Variants in MDFIC observed in about 807,000 individuals in gnomAD.
MDFIC encodes the protein MyoD family inhibitor domain containing, also known as myoD family inhibitor domain-containing protein.
MDFIC carries 17 observed loss-of-function variants against 23.2 expected under a neutral mutation model. The observed-to-expected ratio is 0.73, with a 90% CI of 0.50 to 1.10. The LOEUF (loss-of-function observed/expected upper bound fraction) is 1.10. MDFIC is among the 50% of genes least tolerant of loss of function. The pLI is 0.00. For missense variants in MDFIC, 356 were observed against 316.6 expected (o/e 1.12, Z -0.95); for synonymous variants, 120 against 115.2 (o/e 1.04, Z -0.27).
At chr7:114,975,059 T>C (rs1563146601) in intron 3 of MDFIC, among the ~76,000 whole-genome samples, 1 of 152,122 alleles carries the variant, frequency 6.6e-6, no homozygotes, top group African/African-American at 2.4e-5. Flanking sequence ...AGAATACTTT[T>C]TTTTTGCTAG....
chr7:114,996,776 C>T (rs1341555964), intron 4 of MDFIC, among the ~76,000 whole-genome samples: 1 of 152,150 alleles, frequency 6.6e-6, no homozygotes, highest in Non-Finnish European at 1.5e-5. Context: ...TATCAGCATC[C>T]TTTAGAAGCT....
chr7:114,999,287 A>G (rs535622840), intron 4 of MDFIC, among the ~76,000 whole-genome samples: 1 of 152,272 alleles, frequency 6.6e-6, no homozygotes, highest in East Asian at 1.9e-4. Context: ...AGCTTAAAAG[A>G]AATAGCTCCA....
chr7:115,012,945 C>T (rs1320116865), intron 4 of MDFIC, among the ~76,000 whole-genome samples: 1 of 152,078 alleles, frequency 6.6e-6, no homozygotes, highest in East Asian at 1.9e-4. Flanking sequence ...CGCCACTGCA[C>T]TCCAGCCTGG....
intron 4 of MDFIC, among the ~76,000 whole-genome samples, chr7:115,013,612 G>GA (rs1791727039): frequency 6.6e-6 from 1 of 152,208 alleles, no homozygotes; most frequent in African/African-American, 2.4e-5. Flanking sequence ...ATATTCACTT[G>GA]AAGGTACATT....
At chr7:115,011,770 G>A (rs948686266) in intron 4 of MDFIC, among the ~76,000 whole-genome samples, 2 of 152,184 alleles carry the variant, frequency 1.3e-5, no homozygotes, top group East Asian at 3.9e-4. Context: ...GAGGCAACTA[G>A]TGGTTTAGTT....
intron 3 of MDFIC, among the ~76,000 whole-genome samples, chr7:114,965,664 G>A (rs1219031043): frequency 6.6e-6 from 1 of 152,184 alleles, no homozygotes; most frequent in Non-Finnish European, 1.5e-5. Flanking sequence ...GGACGGGCCA[G>A]TTTTGTAATC....
intron 4 of MDFIC, among the ~76,000 whole-genome samples, chr7:115,015,334 G>T (rs1391157428): frequency 2.0e-5 from 3 of 152,108 alleles, no homozygotes; most frequent in Non-Finnish European, 2.9e-5. Context: ...AGTTGTTTTA[G>T]CCCAGTGTTA....
At chr7:114,940,981 C>T (rs910432288) in intron 2 of MDFIC, among the ~76,000 whole-genome samples, 1 of 152,154 alleles carries the variant, frequency 6.6e-6, no homozygotes, top group African/African-American at 2.4e-5. Flanking sequence ...TGCTAGGTCT[C>T]TCTTTTAGTT....
intron 3 of MDFIC, among the ~76,000 whole-genome samples, chr7:114,965,128 TAAG>T (rs1016800510): frequency 6.6e-6 from 1 of 152,126 alleles, no homozygotes; most frequent in Non-Finnish European, 1.5e-5. Context: ...GGTGTTGATG[TAAG>T]AGTAAGAGGC....
intron 4 of MDFIC, among the ~76,000 whole-genome samples, chr7:115,003,521 G>A (rs986954512): frequency 1.3e-5 from 2 of 152,140 alleles, no homozygotes; most frequent in African/African-American, 2.4e-5. Flanking sequence ...ATCAACTCAT[G>A]CTAATCCTAC....
chr7:115,018,735 T>A lies in MDFIC; in HGVS notation c.*2800T>A, dbSNP rs1791844706. ...TATCCTGAATACACTATTTTGAAAA[T>A]TTTTAAAAATGACTTCTTTATTTTG... On this transcript the variant is annotated 3_prime_UTR_variant, in exon 5 of 5. Transcript: ENST00000393486. 1 of 152,372 alleles carries A rather than the reference T, an allele frequency of 6.6e-6. No homozygotes were observed. The highest frequency in any genetic ancestry group is 1.5e-5 in the Non-Finnish European group (1 of 67,860). 9.4% of individuals were successfully genotyped at this position (152,372 alleles called of 1,614,324 possible).
rs779960274 is a variant in MDFIC at position 114,942,297 on chromosome 7, T to C, written c.117T>C (p.Thr39=). The part of the protein sequence containing the change: ...TAQGKCDKDN[T]EKDITQATNS... The stretch of plus-strand genomic sequence containing the variant: ...CAGGAAAATGTGATAAAGACAATAC[T>C]GAGAAAGATATAACTCAAGCTACCA... Residue 39 remains threonine, a synonymous_variant, in exon 3 of 5, where the codon ACT becomes ACC. Transcript: ENST00000393486. The C allele has an allele frequency of 6.4e-7, 1 of 1,555,854 alleles. No homozygotes were observed. The highest frequency in any genetic ancestry group is 1.2e-5 in the South Asian group (1 of 86,436).
In MDFIC at chr7:114,922,330, T is replaced by C. The variant is rs1381525678; in HGVS notation, c.-414T>C. 1.9e-6 allele frequency: 2 copies of C among 1,044,628 alleles called. No individual in the cohort carries two copies. The highest frequency in any genetic ancestry group is 1.2e-6 in the Non-Finnish European group (1 of 818,150). 64.7% of individuals were successfully genotyped at this position (1,044,628 alleles called of 1,614,324 possible). On this transcript the variant is annotated 5_prime_UTR_variant, in exon 1 of 5. Transcript: ENST00000393486. ...GAGAAGTGTTTCAGGATTGTAGGAG[T>C]GGAAGAGGGGAAAGAGAGGCAGAGA... is the stretch of plus-strand genomic sequence containing the variant.
chr7:114,986,884 C>T (rs1793524857), intron 4 of MDFIC, among the ~76,000 whole-genome samples: 1 of 152,156 alleles, frequency 6.6e-6, no homozygotes, highest in African/African-American at 2.4e-5. Context: ...CAGAGTCTGT[C>T]TTACTCATCT....
intron 4 of MDFIC, among the ~76,000 whole-genome samples, chr7:114,993,796 G>A (rs1051598361): frequency 2.0e-5 from 3 of 152,290 alleles, no homozygotes; most frequent in Non-Finnish European, 2.9e-5. Flanking sequence ...GAATAAGTGC[G>A]ATATGGTGCT....
chr7:114,923,839 T>G (rs541435644), intron 2 of MDFIC, among the ~76,000 whole-genome samples: 14 of 152,198 alleles, frequency 9.2e-5, no homozygotes, highest in Admixed American at 2.0e-4. Context: ...TTCTTAAACT[T>G]CTAATGCATT....
chr7:114,969,584 A>G (rs903433475), intron 3 of MDFIC, among the ~76,000 whole-genome samples: 1 of 152,208 alleles, frequency 6.6e-6, no homozygotes, highest in African/African-American at 2.4e-5. Flanking sequence ...TGAAGGGTTC[A>G]TGTCAGTAAA....
intron 3 of MDFIC, among the ~76,000 whole-genome samples, chr7:114,956,348 T>C (rs992225393): frequency 5.8e-5 from 7 of 120,068 alleles, no homozygotes; most frequent in South Asian, 2.5e-4. Flanking sequence ...TATATATATA[T>C]ACACACACAC....
At chr7:114,995,323 G>A (rs145366740) in intron 4 of MDFIC, among the ~76,000 whole-genome samples, 1,555 of 151,956 alleles carry the variant, frequency 0.01, 18 homozygotes, top group African/African-American at 0.033. Context: ...AAGTTTGGTC[G>A]TCTGAAGCCT....
Sources: allele counts gnomAD v4.1 joint callset (sites outside exome capture counted in the v4.1 genomes callset), GRCh38; gene constraint gnomAD v4.1.1; transcripts MANE v1.5; gene names NCBI Gene and HGNC (gene_info 2026-07-23, HGNC 2026-07-21).